RAB3GAP1: variants seen among roughly 807,000 people sequenced by gnomAD.
RAB3GAP1 encodes the protein rab3 GTPase-activating protein catalytic subunit.
Under a neutral mutation model 130.7 loss-of-function variants are expected in RAB3GAP1, and 86 were observed. The observed-to-expected ratio is 0.66, with a 90% CI of 0.55 to 0.79. The LOEUF (loss-of-function observed/expected upper bound fraction) is 0.79. RAB3GAP1 is among the 30% of genes least tolerant of loss of function. The pLI is 0.00. For missense variants in RAB3GAP1, 1,029 were observed against 1,169.4 expected (o/e 0.88, Z 1.75); for synonymous variants, 367 against 401.7 (o/e 0.91, Z 1.03).
At chr2:135,084,782 A>G (rs945897568) in intron 3 of RAB3GAP1, among the ~76,000 whole-genome samples, 14 of 152,218 alleles carry the variant, frequency 9.2e-5, no homozygotes, top group African/African-American at 2.9e-4. Context: ...AAAGATGAAT[A>G]GAACAATAGT....
At chr2:135,073,852 A>G (rs910793826) in intron 3 of RAB3GAP1, among the ~76,000 whole-genome samples, 1 of 152,124 alleles carries the variant, frequency 6.6e-6, no homozygotes, top group Non-Finnish European at 1.5e-5. Context: ...GTCTGAGGGA[A>G]TTGAGGGGCT....
At chr2:135,164,759 G>A in intron 23 of RAB3GAP1, 63 bp downstream of exon 23, 3 of 1,334,576 alleles carry the variant, frequency 2.2e-6, no homozygotes, top group Non-Finnish European at 3.2e-6. Flanking sequence ...GGAAGAGGCT[G>A]TTTTAGTTCC....
intron 2 of RAB3GAP1, among the ~76,000 whole-genome samples, chr2:135,055,930 A>C (rs1447492579): frequency 6.6e-6 from 1 of 150,500 alleles, no homozygotes; most frequent in Non-Finnish European, 1.5e-5. Flanking sequence ...TCTGCCTCCC[A>C]GGTTTACGCC....
At chr2:135,109,607 G>A (rs1449278867) in intron 5 of RAB3GAP1, among the ~76,000 whole-genome samples, 1 of 151,232 alleles carries the variant, frequency 6.6e-6, no homozygotes, top group Non-Finnish European at 1.5e-5. Context: ...TTAAGAGACA[G>A]GGCCTTGCTC....
In RAB3GAP1 at chr2:135,056,337, G is replaced by A. The variant is rs376974117; in HGVS notation, c.75-1674G>A. On this transcript the variant is annotated intron_variant, in intron 2 of 23. Transcript: ENST00000264158. ...CCTGCATCAGCCTCCTGAGTAGCTG[G>A]GATTACAGGTGCCTGCCACCGCGCC... Among the ~76,000 whole-genome samples, 31 of 152,060 alleles carry A rather than the reference G, an allele frequency of 2.0e-4. No homozygotes were observed. The South Asian group carries it at 5.4e-3, about 27-fold the overall frequency.
At chr2:135,122,778 G>A (rs1354546682) in intron 8 of RAB3GAP1, among the ~76,000 whole-genome samples, 2 of 152,126 alleles carry the variant, frequency 1.3e-5, no homozygotes, top group African/African-American at 4.8e-5. Context: ...CTGGAGTGCA[G>A]TGGCATGATC....
At chr2:135,120,575 G>A (rs1691166066) in intron 7 of RAB3GAP1, among the ~76,000 whole-genome samples, 3 of 152,240 alleles carry the variant, frequency 2.0e-5, no homozygotes, top group South Asian at 4.2e-4. Flanking sequence ...CTGTGAAAAG[G>A]ATTTCCTAAA....
At chr2:135,117,591 TCTGCTGCTTCTTCTGCTTCTTCTG>T (rs1691038063) in intron 7 of RAB3GAP1, among the ~76,000 whole-genome samples, 8 of 58,442 alleles carry the variant, frequency 1.4e-4, no homozygotes, top group East Asian at 4.2e-4. Flanking sequence ...TGCTTCTTCT[TCTGCTGCTTCTTCTGCTTCTTCTG>T]CTTCTGCTTC....
At chr2:135,140,938 A>G (rs1190309719) in intron 17 of RAB3GAP1, among the ~76,000 whole-genome samples, 1 of 152,178 alleles carries the variant, frequency 6.6e-6, no homozygotes, top group Non-Finnish European at 1.5e-5. Flanking sequence ...GACCTGCAAT[A>G]TTAACTCTTT....
chr2:135,163,792 GC>G (rs1692541828), intron 22 of RAB3GAP1, among the ~76,000 whole-genome samples: 2 of 152,244 alleles, frequency 1.3e-5, no homozygotes, highest in Admixed American at 1.3e-4. Flanking sequence ...ATTTTCATTA[GC>G]CTTTCCATAA....
chr2:135,149,525 G>A (rs1019968146), intron 17 of RAB3GAP1, among the ~76,000 whole-genome samples: 21 of 152,162 alleles, frequency 1.4e-4, no homozygotes, highest in African/African-American at 5.1e-4. Context: ...TACATTACAG[G>A]TTGTTATTCA....
At chr2:135,056,325 C>T (rs1689010004) in intron 2 of RAB3GAP1, among the ~76,000 whole-genome samples, 1 of 152,220 alleles carries the variant, frequency 6.6e-6, no homozygotes, top group Non-Finnish European at 1.5e-5. Context: ...GCATCAGCCT[C>T]CTGAGTAGCT....
intron 17 of RAB3GAP1, among the ~76,000 whole-genome samples, chr2:135,136,168 G>T (rs1558793982): frequency 6.6e-6 from 1 of 151,950 alleles, no homozygotes; most frequent in Non-Finnish European, 1.5e-5. Context: ...TCTACTAAAA[G>T]TACAAAAATT....
intron 3 of RAB3GAP1, among the ~76,000 whole-genome samples, chr2:135,082,141 C>CAGTG (rs1689841079): frequency 6.7e-6 from 1 of 148,652 alleles, no homozygotes; most frequent in South Asian, 2.1e-4. Flanking sequence ...GACTCTGTCT[C>CAGTG]AATGAATGAA....
chr2:135,100,045 T>G (rs1690409132), intron 5 of RAB3GAP1, among the ~76,000 whole-genome samples: 1 of 152,088 alleles, frequency 6.6e-6, no homozygotes, highest in African/African-American at 2.4e-5. Flanking sequence ...GGGTGTAGAC[T>G]TATTTATATT....
chr2:135,053,038 C>T (rs1408923825), intron 2 of RAB3GAP1, among the ~76,000 whole-genome samples: 7 of 152,174 alleles, frequency 4.6e-5, no homozygotes, highest in African/African-American at 1.7e-4. Context: ...TCCGCCCAGG[C>T]CGGAGTGCAG....
intron 17 of RAB3GAP1, among the ~76,000 whole-genome samples, chr2:135,141,010 A>T (rs1691822407): frequency 6.6e-6 from 1 of 151,810 alleles, no homozygotes; most frequent in Non-Finnish European, 1.5e-5. Flanking sequence ...AGGAGGTAGG[A>T]TCTTGTGGTT....
At chr2:135,090,078 A>G (rs898216207) in intron 3 of RAB3GAP1, among the ~76,000 whole-genome samples, 12 of 152,288 alleles carry the variant, frequency 7.9e-5, no homozygotes, top group African/African-American at 2.9e-4. Context: ...CCAGAACTTA[A>G]AGTATAATAA....
chr2:135,131,907 T>A (rs1691556829), intron 13 of RAB3GAP1, among the ~76,000 whole-genome samples: 1 of 152,202 alleles, frequency 6.6e-6, no homozygotes, highest in African/African-American at 2.4e-5. Context: ...GGGAAAAACC[T>A]TCAAGAAAAG....
Sources: allele counts gnomAD v4.1 joint callset (sites outside exome capture counted in the v4.1 genomes callset), GRCh38; gene constraint gnomAD v4.1.1; transcripts MANE v1.5; gene names NCBI Gene and HGNC (gene_info 2026-07-23, HGNC 2026-07-21).